ZNF280D: variants seen among roughly 807,000 people sequenced by gnomAD.
ZNF280D encodes zinc finger protein 280D, also known as suppressor of hairy wing homolog 4.
In ZNF280D, 39 loss-of-function variants were observed where a neutral mutation model predicts 94.7. The ratio of observed to expected loss-of-function variants is 0.41; its 90% confidence interval spans 0.32 to 0.54. The LOEUF is 0.54. ZNF280D is among the 20% of genes least tolerant of loss of function. The pLI is 0.22. For synonymous variants in ZNF280D, 398 were observed against 377.6 expected, an observed-to-expected ratio of 1.05 and a Z score of -0.63; for missense variants, 1,090 against 1,149.3, an observed-to-expected ratio of 0.95 and a Z score of 0.75.
At position 56,631,747 on chromosome 15, in the gene ZNF280D, C is replaced by G. The variant is rs761523470; in HGVS notation, c.2691G>C (p.Leu897Phe). 18 of 1,613,986 alleles carry G rather than the reference C, an allele frequency of 1.1e-5. No individual in the cohort carries two copies. The highest frequency in any genetic ancestry group is 1.5e-5 in the Non-Finnish European group (18 of 1,180,010). ...CAGATTCAGGTTCATGTCTTTTTCT[C>G]AAAAACTGATCAATGCTTACATTAT... ...ASDNVSIDQF[L>F]RKRHEPESVS... The change falls in exon 22 of 22, where the codon TTG becomes TTC. Residue 897 changes from leucine to phenylalanine, a missense_variant. Coordinates refer to ENST00000267807, the MANE Select transcript of ZNF280D (RefSeq NM_017661.4).
chr15:56,728,127 G>T (rs902692297), intron 1 of ZNF280D, among the ~76,000 whole-genome samples: 1 of 151,860 alleles, frequency 6.6e-6, no homozygotes, highest in African/African-American at 2.4e-5. Context: ...GACCTGAAGC[G>T]ATCCTCCCAC....
intron 16 of ZNF280D, 94 bp from the exon 17 acceptor site, chr15:56,658,580 T>C: frequency 3.6e-6 from 3 of 842,904 alleles, no homozygotes; most frequent in Admixed American, 3.3e-5. Context: ...GTTTCTAGTT[T>C]GTAATAAAAG....
At position 56,658,435 on chromosome 15, in the gene ZNF280D, T is replaced by C. The variant is rs1329181976; in HGVS notation, c.2046A>G (p.Ser682=). The change falls in exon 17 of 22, where the codon TCA becomes TCG. Residue 682 remains serine (S), a synonymous_variant. Coordinates refer to ENST00000267807, the MANE Select transcript of ZNF280D (RefSeq NM_017661.4). ...GATCAACTAGTTACCGGAGATTTTC[T>C]GAATGCTTCTTAAAAATACAAAACC... The part of the protein sequence containing the change: ...SKRFCIFKKH[S]ENLRGITLVC... 1.3e-6 allele frequency: 2 copies of C among 1,589,382 alleles called. No homozygotes were observed. Among genetic ancestry groups the C allele is most frequent in the Non-Finnish European group, 1.7e-6 (2 of 1,172,514 alleles).
In ZNF280D at chr15:56,653,577, A is replaced by C. The variant is rs1390595926; in HGVS notation, c.2213+621T>G. 3 of 1,508,678 alleles carry C rather than the reference A, an allele frequency of 2.0e-6. No individual in the cohort carries two copies. In the Admixed American group the frequency reaches 6.3e-5, roughly 32 times the overall value. 93.5% of individuals were successfully genotyped at this position (1,508,678 alleles called of 1,614,324 possible). On this transcript the variant is annotated intron_variant, in intron 19 of 21. Transcript: ENST00000267807. ...CCAGGTATACCCTGGATATTTTTTG[A>C]AATCTCTGGGCTGCTTCTGCATCTG...
chr15:56,641,906 A>C (rs1268705852), intron 20 of ZNF280D, among the ~76,000 whole-genome samples: 3 of 151,824 alleles, frequency 2.0e-5, no homozygotes, highest in Admixed American at 1.3e-4. Context: ...AAACTGTCTA[A>C]AGTAAAAACT....
intron 1 of ZNF280D, among the ~76,000 whole-genome samples, chr15:56,728,054 C>A (rs1344785881): frequency 6.6e-6 from 1 of 150,576 alleles, no homozygotes; most frequent in Non-Finnish European, 1.5e-5. Flanking sequence ...TTTTAAGAGA[C>A]AGGGTCTCAC....
intron 6 of ZNF280D, chr15:56,700,221 A>G (rs1438303982): frequency 1.0e-6 from 1 of 952,404 alleles, no homozygotes; most frequent in East Asian, 1.1e-4. Context: ...GTGCATATAC[A>G]TATAAACTAT....
chr15:56,644,182 C>G (rs1214819215), intron 19 of ZNF280D, among the ~76,000 whole-genome samples: 1 of 152,002 alleles, frequency 6.6e-6, no homozygotes, highest in Non-Finnish European at 1.5e-5. Context: ...TTACAACCAA[C>G]TTGTTAAGCC....
chr15:56,716,505 T>TG (rs2058050640), intron 1 of ZNF280D, among the ~76,000 whole-genome samples: 1 of 124,524 alleles, frequency 8.0e-6, no homozygotes, highest in African/African-American at 3.1e-5. Context: ...CCATTGTGAC[T>TG]GAAAAAAAAA....
chr15:56,679,595 T>C (rs1000485571), intron 10 of ZNF280D, among the ~76,000 whole-genome samples: 1 of 152,198 alleles, frequency 6.6e-6, no homozygotes, highest in East Asian at 1.9e-4. Flanking sequence ...GCAATATAAA[T>C]GGTAATACAT....
At chr15:56,685,484 A>C (rs2055940502) in intron 9 of ZNF280D, among the ~76,000 whole-genome samples, 1 of 152,174 alleles carries the variant, frequency 6.6e-6, no homozygotes, top group Non-Finnish European at 1.5e-5. Flanking sequence ...AGATTGCCTC[A>C]CAGTTCATAA....
At chr15:56,639,577 G>A (rs1329411510) in intron 20 of ZNF280D, among the ~76,000 whole-genome samples, 1 of 152,082 alleles carries the variant, frequency 6.6e-6, no homozygotes, top group Non-Finnish European at 1.5e-5. Context: ...TAAATACCAA[G>A]AAACTGGAGC....
rs1173455258 is a variant in ZNF280D at position 56,669,981 on chromosome 15, AT to A, written c.1411-1025del. Among the ~76,000 whole-genome samples, 21 of 3,092 alleles carry A rather than the reference AT, an allele frequency of 6.8e-3. 8 individuals carry two copies. In the South Asian group the frequency reaches 0.087, roughly 13 times the overall value. The allele number at this position is 3,092 out of a possible 152,430, so 2.0% of individuals were successfully genotyped here. A position where few individuals can be genotyped will look rare whatever the true frequency, so the allele number is the denominator to read the frequency against. On this transcript the variant is annotated intron_variant, in intron 13 of 21. Coordinates refer to ENST00000267807, the MANE Select transcript of ZNF280D (RefSeq NM_017661.4). The stretch of plus-strand genomic sequence containing the variant: ...TATATATTATATATATATAATATAT[AT>A]ATTATATATATATATTATATATATA...
chr15:56,661,878 A>G (rs1377029527), intron 16 of ZNF280D, among the ~76,000 whole-genome samples: 2 of 152,198 alleles, frequency 1.3e-5, no homozygotes, highest in Non-Finnish European at 2.9e-5. Flanking sequence ...AAAAGTCACA[A>G]TAACTTTCTT....
Position 56,685,512 on chromosome 15 carries a change from C to A in ZNF280D, c.781-3035G>T, listed in dbSNP as rs1230186186. On this transcript the variant is annotated intron_variant, in intron 9 of 21. Transcript: ENST00000267807. ...GTTCATAAAGGAATATCAGTTAGAG[C>A]CACCAAATAAAGTAATATAGGTATA... Among the ~76,000 whole-genome samples the A allele has an allele frequency of 2.0e-5, 3 of 151,970 alleles. No homozygotes were observed. In the East Asian group the frequency reaches 5.8e-4, roughly 29 times the overall value.
intron 1 of ZNF280D, among the ~76,000 whole-genome samples, chr15:56,709,559 C>G (rs554005976): frequency 6.6e-6 from 1 of 152,112 alleles, no homozygotes; most frequent in African/African-American, 2.4e-5. Flanking sequence ...CACATGCACA[C>G]GTATGTTTAT....
chr15:56,733,378 C>A (rs1484073555), intron 1 of ZNF280D, 80 bp downstream of exon 1: 13 of 858,528 alleles, frequency 1.5e-5, no homozygotes, highest in East Asian at 2.4e-4. Context: ...CCAGCGCCCC[C>A]GGAGTGAGGC....
At chr15:56,731,874 G>A (rs955422674) in intron 1 of ZNF280D, among the ~76,000 whole-genome samples, 4 of 152,058 alleles carry the variant, frequency 2.6e-5, no homozygotes, top group Admixed American at 6.6e-5. Context: ...AAATTAACTC[G>A]AGAATAAAAA....
intron 16 of ZNF280D, among the ~76,000 whole-genome samples, chr15:56,665,862 G>A (rs541509324): frequency 6.6e-6 from 1 of 152,308 alleles, no homozygotes; most frequent in African/African-American, 2.4e-5. Flanking sequence ...CCAGCCGGGT[G>A]CAATGGCTCA....
Sources: gnomAD v4.1 joint callset for allele counts (sites outside exome capture counted in the v4.1 genomes callset) on GRCh38, gnomAD v4.1.1 for gene constraint, MANE v1.5 for transcripts, NCBI Gene and HGNC (gene_info 2026-07-23, HGNC 2026-07-21) for gene names.